The following COL14A1 variants were observed in gnomAD, a reference collection of about 807,000 sequenced individuals.
COL14A1 encodes the protein collagen type XIV alpha 1 chain.
Under a neutral mutation model 230.3 loss-of-function variants are expected in COL14A1, and 136 were observed. The ratio of observed to expected loss-of-function variants is 0.59; its 90% CI spans 0.51 to 0.68. The LOEUF is 0.68. Ranked by LOEUF, COL14A1 falls within the 30% of genes least tolerant of loss-of-function variation. The pLI, the probability that COL14A1 is intolerant of heterozygous loss-of-function variation, is 0.00. For missense variants in COL14A1, 1,976 were observed against 2,215.8 expected (o/e 0.89, Z 2.17); for synonymous variants, 792 against 784.1 (o/e 1.01, Z -0.17).
chr8:120,252,696 C>T (rs116380802), intron 22 of COL14A1, among the ~76,000 whole-genome samples: 3,834 of 152,238 alleles, frequency 0.025, 59 homozygotes, highest in African/African-American at 0.044. Context: ...AACGTGCTTA[C>T]GATGTGGCAA....
intron 45 of COL14A1, among the ~76,000 whole-genome samples, chr8:120,353,823 T>A (rs200226098): frequency 6.6e-6 from 1 of 151,908 alleles, no homozygotes; most frequent in African/African-American, 2.4e-5. Context: ...CATTGTGGAA[T>A]TCGGTGTGGC....
At chr8:120,230,560 C>T (rs1015094806) in intron 18 of COL14A1, among the ~76,000 whole-genome samples, 5 of 152,066 alleles carry the variant, frequency 3.3e-5, no homozygotes, top group Non-Finnish European at 2.9e-5. Context: ...TTTTCTCTTG[C>T]AATCCCGAAC....
At position 120,276,781 on chromosome 8, in the gene COL14A1, A is replaced by T. The variant is rs370883589; in HGVS notation, c.3214-1330A>T. 2.6e-5 allele frequency among the ~76,000 whole-genome samples: 4 copies of T among 152,004 alleles called. No homozygotes were observed. In the South Asian group the frequency reaches 6.2e-4, roughly 24 times the overall value. ...GCACACCAACATGGCACATGTATAC[A>T]TATGTAACAAACCTTCACATTGTGC... is the stretch of plus-strand genomic sequence containing the variant. On this transcript the variant is annotated intron_variant, in intron 26 of 47. Transcript: ENST00000297848.
intron 47 of COL14A1, 96 bp downstream of exon 47, chr8:120,369,581 T>C (rs569935270): frequency 2.2e-5 from 27 of 1,238,918 alleles, no homozygotes; most frequent in African/African-American, 7.7e-5. Context: ...AAAAGTTAAA[T>C]TGGTTATGAA....
chr8:120,347,108 A>G (rs1462981166), intron 45 of COL14A1, among the ~76,000 whole-genome samples: 1 of 152,158 alleles, frequency 6.6e-6, no homozygotes, highest in Non-Finnish European at 1.5e-5. Flanking sequence ...CACCTGAGTC[A>G]TTCCCAGCAA....
intron 22 of COL14A1, 58 bp from the exon 23 acceptor site, chr8:120,255,182 C>A: frequency 7.4e-7 from 1 of 1,355,604 alleles, no homozygotes; most frequent in Non-Finnish European, 1.1e-6. Flanking sequence ...ATTTCAGATT[C>A]AGGGATGCTT....
intron 24 of COL14A1, among the ~76,000 whole-genome samples, chr8:120,266,232 A>G (rs1819497629): frequency 1.3e-5 from 2 of 151,994 alleles, no homozygotes; most frequent in Non-Finnish European, 2.9e-5. Context: ...ACCAAGCCAT[A>G]CCTCTGCAGA....
chr8:120,243,499 A>C (rs374206938), intron 19 of COL14A1, among the ~76,000 whole-genome samples: 15 of 152,218 alleles, frequency 9.9e-5, no homozygotes, highest in African/African-American at 3.4e-4. Flanking sequence ...GAGGATACTT[A>C]AGTAAAATAA....
At position 120,209,791 on chromosome 8, in the gene COL14A1, G is replaced by C; in HGVS notation, c.1357G>C (p.Asp453His). The stretch of plus-strand genomic sequence containing the variant: ...GATGGCTTCTGACCTTCTACTGTAC[G>C]ACGTGACTGAGAACAGCATGCGAGT... ...LPMASDLLLY[D>H]VTENSMRVKW... Residue 453 changes from aspartate to histidine, a missense_variant, in exon 12 of 48, where the codon GAC (aspartate) becomes CAC (histidine). Coordinates refer to ENST00000297848, the MANE Select transcript of COL14A1 (RefSeq NM_021110.4). 6.2e-7 allele frequency: 1 copy of C among 1,613,452 alleles called. No individual in the cohort carries two copies. Among genetic ancestry groups the C allele is most frequent in the Non-Finnish European group, 8.5e-7 (1 of 1,179,754 alleles).
intron 18 of COL14A1, among the ~76,000 whole-genome samples, chr8:120,231,122 G>A (rs1276290950): frequency 1.3e-5 from 2 of 152,204 alleles, no homozygotes. Flanking sequence ...CAGAGCACTA[G>A]TGTGAGGTTC....
intron 5 of COL14A1, among the ~76,000 whole-genome samples, chr8:120,181,843 G>A (rs1446863778): frequency 6.6e-6 from 1 of 151,942 alleles, no homozygotes; most frequent in Non-Finnish European, 1.5e-5. Context: ...TCCTAGCTAC[G>A]CAGGAGGCTA....
intron 24 of COL14A1, 93 bp downstream of exon 24, chr8:120,263,107 G>T: frequency 7.4e-7 from 1 of 1,350,762 alleles, no homozygotes; most frequent in Non-Finnish European, 9.9e-7. Context: ...AAAAATATTA[G>T]CTATTGCTGT....
intron 1 of COL14A1, among the ~76,000 whole-genome samples, chr8:120,133,406 C>T (rs1814609005): frequency 2.0e-5 from 3 of 151,898 alleles, no homozygotes; most frequent in African/African-American, 7.3e-5. Flanking sequence ...ATATGAATAG[C>T]ATATTAGTAA....
At chr8:120,183,646 G>T (rs1170959913) in intron 5 of COL14A1, among the ~76,000 whole-genome samples, 2 of 152,178 alleles carry the variant, frequency 1.3e-5, no homozygotes, top group African/African-American at 4.8e-5. Context: ...GTGTTTACAG[G>T]ATTGTTAGTT....
chr8:120,334,583 A>ACAC (rs879641726), intron 42 of COL14A1, among the ~76,000 whole-genome samples: 3 of 108,758 alleles, frequency 2.8e-5, no homozygotes, highest in East Asian at 2.6e-4. Flanking sequence ...TTCACACACA[A>ACAC]AAACACACAC....
At chr8:120,309,017 G>C (rs1444570477) in intron 36 of COL14A1, among the ~76,000 whole-genome samples, 3 of 152,098 alleles carry the variant, frequency 2.0e-5, no homozygotes, top group Non-Finnish European at 2.9e-5. Flanking sequence ...TCACTGCAAG[G>C]TCCGCCTCCC....
intron 34 of COL14A1, among the ~76,000 whole-genome samples, chr8:120,292,539 T>A (rs1820404360): frequency 6.6e-6 from 1 of 152,250 alleles, no homozygotes; most frequent in East Asian, 1.9e-4. Flanking sequence ...TCAGACTTGC[T>A]TTTTGAGGGA....
At chr8:120,282,515 G>T (rs955617851) in intron 31 of COL14A1, among the ~76,000 whole-genome samples, 1 of 151,924 alleles carries the variant, frequency 6.6e-6, no homozygotes, top group Admixed American at 6.6e-5. Flanking sequence ...GCATATAGTT[G>T]GCACTCAAAA....
chr8:120,333,133 C>A (rs1480133228), intron 42 of COL14A1, among the ~76,000 whole-genome samples: 3 of 152,216 alleles, frequency 2.0e-5, no homozygotes, highest in Non-Finnish European at 2.9e-5. Context: ...TTAGATTTTT[C>A]TCTTCCAAAT....
Sources: gnomAD v4.1 joint callset for allele counts (sites outside exome capture counted in the v4.1 genomes callset) on GRCh38, gnomAD v4.1.1 for gene constraint, MANE v1.5 for transcripts, NCBI Gene and HGNC (gene_info 2026-07-23, HGNC 2026-07-21) for gene names.